The following PID1 variants were observed in gnomAD, a reference collection of about 807,000 sequenced individuals.
PID1 encodes phosphotyrosine interaction domain containing 1.
Under a neutral mutation model 19.1 loss-of-function variants are expected in PID1, and 10 were observed. That is an observed-to-expected ratio of 0.52 (90% CI 0.32 to 0.89). The LOEUF is 0.89. Ranked by LOEUF, PID1 falls within the 40% of genes least tolerant of loss-of-function variation. The probability of loss-of-function intolerance (pLI) is 0.03; values close to 1 mark genes in which losing one functional copy is unlikely to be tolerated. For missense variants in PID1, 248 were observed against 285.3 expected (o/e 0.87, Z 0.94); for synonymous variants, 130 against 116.0 (o/e 1.12, Z -0.78).
intron 1 of PID1, among the ~76,000 whole-genome samples, chr2:229,214,569 A>C (rs2106252416): frequency 6.6e-6 from 1 of 152,312 alleles, no homozygotes; most frequent in Middle Eastern, 3.4e-3. Context: ...ATGATTGAGA[A>C]AGAATCGAGC....
intron 2 of PID1, among the ~76,000 whole-genome samples, chr2:229,131,238 C>CT (rs576454587): frequency 0.016 from 2,356 of 147,494 alleles, 49 homozygotes; most frequent in African/African-American, 0.047. Context: ...CTTTTCTTCT[C>CT]TTTTTTTTTT....
At chr2:229,181,921 AGTGAAAT>A (rs1230722233) in intron 1 of PID1, among the ~76,000 whole-genome samples, 1 of 152,388 alleles carries the variant, frequency 6.6e-6, no homozygotes, top group East Asian at 1.9e-4. Flanking sequence ...TATATTACTA[AGTGAAAT>A]GTATATTACT....
intron 1 of PID1, among the ~76,000 whole-genome samples, chr2:229,163,676 CGT>C (rs1559264427): frequency 2.3e-3 from 214 of 94,000 alleles, no homozygotes; most frequent in South Asian, 7.7e-3. Flanking sequence ...TGTGTGTGTG[CGT>C]GTGCGTGTGT....
intron 1 of PID1, among the ~76,000 whole-genome samples, chr2:229,255,922 C>A (rs1242298576): frequency 1.3e-5 from 2 of 152,202 alleles, no homozygotes; most frequent in Non-Finnish European, 2.9e-5. Context: ...AGAAGTTGGC[C>A]TCCATGCACC....
At chr2:229,130,706 C>A (rs1689719298) in intron 2 of PID1, among the ~76,000 whole-genome samples, 1 of 152,202 alleles carries the variant, frequency 6.6e-6, no homozygotes, top group Non-Finnish European at 1.5e-5. Context: ...GTCATCAGCA[C>A]CTAGCTCGGC....
intron 2 of PID1, among the ~76,000 whole-genome samples, chr2:229,139,979 T>C (rs1277199447): frequency 6.6e-6 from 1 of 152,072 alleles, no homozygotes; most frequent in Non-Finnish European, 1.5e-5. Context: ...AGTCTATCAT[T>C]TTCTCCTCCT....
chr2:229,165,585 T>TAA (rs201146650), intron 1 of PID1, among the ~76,000 whole-genome samples: 5 of 141,874 alleles, frequency 3.5e-5, no homozygotes, highest in East Asian at 2.0e-4. Flanking sequence ...GTCTCAAAAA[T>TAA]AAAAAAAAAA....
intron 2 of PID1, among the ~76,000 whole-genome samples, chr2:229,071,112 A>G (rs1694441926): frequency 6.6e-6 from 1 of 152,212 alleles, no homozygotes; most frequent in South Asian, 2.1e-4. Flanking sequence ...AAAGAGTAGA[A>G]TATGATGTTC....
At chr2:229,037,407 C>A (rs1693686442) in intron 2 of PID1, among the ~76,000 whole-genome samples, 1 of 152,102 alleles carries the variant, frequency 6.6e-6, no homozygotes, top group African/African-American at 2.4e-5. Flanking sequence ...AGTAAAGTGA[C>A]AGATTTATTT....
chr2:229,223,130 T>G (rs1277861643), intron 1 of PID1, among the ~76,000 whole-genome samples: 1 of 152,186 alleles, frequency 6.6e-6, no homozygotes, highest in African/African-American at 2.4e-5. Flanking sequence ...AATTTTATGA[T>G]TCCTTAAAAT....
chr2:229,225,929 C>T (rs757741050), intron 1 of PID1, among the ~76,000 whole-genome samples: 3 of 152,094 alleles, frequency 2.0e-5, no homozygotes, highest in Non-Finnish European at 4.4e-5. Flanking sequence ...ACGTGGGGAT[C>T]GTGGGGATTA....
intron 2 of PID1, among the ~76,000 whole-genome samples, chr2:229,110,857 G>C (rs2106148062): frequency 6.6e-6 from 1 of 152,166 alleles, no homozygotes; most frequent in African/African-American, 2.4e-5. Flanking sequence ...CACTCACGTA[G>C]GGCAGATAGG....
chr2:229,122,537 G>A (rs543790483), intron 2 of PID1, among the ~76,000 whole-genome samples: 8 of 152,118 alleles, frequency 5.3e-5, no homozygotes, highest in Admixed American at 5.2e-4. Context: ...CCTACAGTGA[G>A]ACCAAGACCA....
At chr2:229,073,656 T>G (rs1694502487) in intron 2 of PID1, among the ~76,000 whole-genome samples, 3 of 152,188 alleles carry the variant, frequency 2.0e-5, no homozygotes, top group South Asian at 2.1e-4. Context: ...GAACTATAAT[T>G]ACTTTTTAAA....
At chr2:229,076,103 T>A (rs1694552278) in intron 2 of PID1, among the ~76,000 whole-genome samples, 1 of 152,222 alleles carries the variant, frequency 6.6e-6, no homozygotes, top group Non-Finnish European at 1.5e-5. Context: ...GTTAATTCAT[T>A]AGTCCATACC....
intron 1 of PID1, among the ~76,000 whole-genome samples, chr2:229,204,650 A>C (rs1691568271): frequency 6.6e-6 from 1 of 152,166 alleles, no homozygotes; most frequent in East Asian, 1.9e-4. Context: ...ACAGGCTTTG[A>C]TCCTGCTGTA....
At chr2:229,199,784 A>G (rs563484975) in intron 1 of PID1, among the ~76,000 whole-genome samples, 1 of 149,742 alleles carries the variant, frequency 6.7e-6, no homozygotes, top group Non-Finnish European at 1.5e-5. Context: ...ATATACACAC[A>G]CACATATATA....
chr2:229,033,754 T>C (rs1029816284), intron 2 of PID1, among the ~76,000 whole-genome samples: 4 of 152,286 alleles, frequency 2.6e-5, no homozygotes, highest in East Asian at 1.9e-4. Flanking sequence ...TGACATAAAA[T>C]AACATGATAG....
At chr2:229,247,091 A>C (rs1270401432) in intron 1 of PID1, among the ~76,000 whole-genome samples, 2 of 152,238 alleles carry the variant, frequency 1.3e-5, no homozygotes, top group Admixed American at 1.3e-4. Flanking sequence ...TATGGGGCAA[A>C]CTGAATACAA....
Sources: allele counts gnomAD v4.1 joint callset (sites outside exome capture counted in the v4.1 genomes callset), GRCh38; gene constraint gnomAD v4.1.1; transcripts MANE v1.5; gene names NCBI Gene and HGNC (gene_info 2026-07-23, HGNC 2026-07-21).